The following RAB11FIP4 variants were observed in gnomAD, a reference collection of about 807,000 sequenced individuals.
RAB11FIP4 encodes RAB11 family interacting protein 4, also known as rab11 family-interacting protein 4.
A neutral mutation model predicts 74.3 loss-of-function variants in RAB11FIP4; 23 were observed. The ratio of observed to expected loss-of-function variants is 0.31; its 90% confidence interval spans 0.22 to 0.44. RAB11FIP4 has a LOEUF of 0.44. Ranked by LOEUF, RAB11FIP4 falls within the 20% of genes least tolerant of loss-of-function variation. The pLI, the probability that RAB11FIP4 is intolerant of heterozygous loss-of-function variation, is 1.00. For missense variants in RAB11FIP4, 630 were observed against 863.9 expected (o/e 0.73, Z 3.39); for synonymous variants, 360 against 359.9 (o/e 1.00, Z 0.00).
At chr17:31,482,417 C>T (rs528281410) in intron 3 of RAB11FIP4, among the ~76,000 whole-genome samples, 2 of 152,070 alleles carry the variant, frequency 1.3e-5, no homozygotes, top group South Asian at 4.2e-4. Flanking sequence ...TAGCAAAACC[C>T]CATCTCTACT....
intron 3 of RAB11FIP4, among the ~76,000 whole-genome samples, chr17:31,517,072 C>G (rs1316444773): frequency 6.6e-6 from 1 of 151,510 alleles, no homozygotes. Context: ...AGTGATATTC[C>G]TATGCAAATT....
intron 1 of RAB11FIP4, among the ~76,000 whole-genome samples, chr17:31,428,950 A>AG: frequency 6.6e-6 from 1 of 152,106 alleles, no homozygotes; most frequent in Non-Finnish European, 1.5e-5. Context: ...TCTTAAAAAA[A>AG]AGTTGTTATT....
intron 8 of RAB11FIP4, 51 bp downstream of exon 8, chr17:31,523,662 G>A: frequency 6.6e-7 from 1 of 1,525,682 alleles, no homozygotes; most frequent in Non-Finnish European, 9.1e-7. Context: ...TGCTCCCAGG[G>A]GAGATGGGGT....
intron 4 of RAB11FIP4, among the ~76,000 whole-genome samples, chr17:31,519,348 C>T (rs1271546566): frequency 6.6e-6 from 1 of 152,146 alleles, no homozygotes; most frequent in Admixed American, 6.5e-5. Context: ...ATCTACTCTG[C>T]TATATTTTCT....
At chr17:31,505,179 G>T (rs141479135) in intron 3 of RAB11FIP4, among the ~76,000 whole-genome samples, 3 of 151,756 alleles carry the variant, frequency 2.0e-5, no homozygotes, top group Admixed American at 1.3e-4. Context: ...TGTTCTCCCT[G>T]GTAGAGGTAT....
chr17:31,523,168 G>A (rs555078357), intron 7 of RAB11FIP4: 2 of 355,688 alleles, frequency 5.6e-6, no homozygotes, highest in East Asian at 5.6e-5. Flanking sequence ...CTCCTTGGGG[G>A]CTTCCCCACT....
intron 1 of RAB11FIP4, among the ~76,000 whole-genome samples, chr17:31,394,239 CT>C (rs2070905939): frequency 6.6e-6 from 1 of 152,226 alleles, no homozygotes; most frequent in Non-Finnish European, 1.5e-5. Flanking sequence ...CTTTCCAGAG[CT>C]GTTTCCATGC....
At chr17:31,503,811 T>C (rs2072266722) in intron 3 of RAB11FIP4, among the ~76,000 whole-genome samples, 1 of 149,784 alleles carries the variant, frequency 6.7e-6, no homozygotes. Flanking sequence ...TCTTTCAGGA[T>C]GGCTTCACTT....
intron 1 of RAB11FIP4, among the ~76,000 whole-genome samples, chr17:31,404,280 AGCCG>A (rs2071022819): frequency 6.6e-6 from 1 of 152,128 alleles, no homozygotes; most frequent in African/African-American, 2.4e-5. Context: ...CTGCAGCCCC[AGCCG>A]GCCTTGGCCC....
chr17:31,426,135 G>A (rs1321713005), intron 1 of RAB11FIP4, among the ~76,000 whole-genome samples: 1 of 152,192 alleles, frequency 6.6e-6, no homozygotes, highest in Non-Finnish European at 1.5e-5. Context: ...CAGGGCGCCA[G>A]GGGATAGAAA....
At chr17:31,463,007 A>G (rs993217213) in intron 3 of RAB11FIP4, among the ~76,000 whole-genome samples, 60 of 152,224 alleles carry the variant, frequency 3.9e-4, no homozygotes, top group African/African-American at 1.4e-3. Flanking sequence ...AAAAGCCTTG[A>G]TTGGGTTCTG....
At chr17:31,469,223 TG>T (rs1463240590) in intron 3 of RAB11FIP4, among the ~76,000 whole-genome samples, 1 of 152,216 alleles carries the variant, frequency 6.6e-6, no homozygotes, top group East Asian at 1.9e-4. Flanking sequence ...GGGGCTGTTC[TG>T]AGCACTGGGG....
At chr17:31,530,055 C>G (rs1167171395) in intron 13 of RAB11FIP4, among the ~76,000 whole-genome samples, 3 of 152,200 alleles carry the variant, frequency 2.0e-5, no homozygotes, top group African/African-American at 4.8e-5. Flanking sequence ...AAGGGATGGC[C>G]AGGAGCCTTG....
chr17:31,496,059 T>C (rs1250411374), intron 3 of RAB11FIP4, among the ~76,000 whole-genome samples: 1 of 152,246 alleles, frequency 6.6e-6, no homozygotes, highest in East Asian at 1.9e-4. Context: ...AACGGTGCAT[T>C]GTAAAATCAG....
intron 3 of RAB11FIP4, among the ~76,000 whole-genome samples, chr17:31,496,360 A>G (rs1028129918): frequency 1.5e-4 from 23 of 152,206 alleles, no homozygotes; most frequent in African/African-American, 5.5e-4. Flanking sequence ...GTGCAAGGCA[A>G]CATTCCCTGT....
At chr17:31,504,952 G>C (rs1597963484) in intron 3 of RAB11FIP4, among the ~76,000 whole-genome samples, 1 of 152,216 alleles carries the variant, frequency 6.6e-6, no homozygotes, top group African/African-American at 2.4e-5. Context: ...CTTTAGAAAT[G>C]CATCTTCCCT....
chr17:31,524,127 T>A, intron 9 of RAB11FIP4, 131 bp downstream of exon 9: 1 of 671,604 alleles, frequency 1.5e-6, no homozygotes, highest in Non-Finnish European at 2.6e-6. Flanking sequence ...CGCATCAGCC[T>A]CTTGTCACAT....
At position 31,416,306 on chromosome 17, in the gene RAB11FIP4, G is replaced by A. The variant is rs556787885; in HGVS notation, c.160-15507G>A. ...CCAGGGTAAGTCTGACTGATTCCGT[G>A]GGACAGCCCTTCACATGGAGGGGAG... On this transcript the variant is annotated intron_variant, in intron 1 of 14. Transcript: ENST00000621161. 2.4e-4 allele frequency among the ~76,000 whole-genome samples: 37 copies of A among 152,296 alleles called. 1 individual carries two copies. The South Asian group carries it at 6.2e-3, about 26-fold the overall frequency.
chr17:31,392,193 C>G (rs1254670144), intron 1 of RAB11FIP4, 182 bp downstream of exon 1: 1 of 423,952 alleles, frequency 2.4e-6, no homozygotes, highest in African/African-American at 2.1e-5. Context: ...GCCGGGCCCT[C>G]GCTTTCCGCC....
Sources: gnomAD v4.1 joint callset for allele counts (sites outside exome capture counted in the v4.1 genomes callset) on GRCh38, gnomAD v4.1.1 for gene constraint, MANE v1.5 for transcripts, NCBI Gene and HGNC (gene_info 2026-07-23, HGNC 2026-07-21) for gene names.